The following GNA14 variants were observed in gnomAD, a reference collection of about 807,000 sequenced individuals.
GNA14 encodes guanine nucleotide-binding protein subunit alpha-14.
In GNA14, 50 loss-of-function variants were observed where a neutral mutation model predicts 42.0. The ratio of observed to expected loss-of-function variants is 1.19; its 90% CI spans 0.95 to 1.51. GNA14 has a LOEUF of 1.51. GNA14 is among the 40% of genes most tolerant of loss of function. The pLI, the probability that GNA14 is intolerant of heterozygous loss-of-function variation, is 0.00. For synonymous variants in GNA14, 173 were observed against 163.1 expected (o/e 1.06, Z -0.46); for missense variants, 473 against 446.2 (o/e 1.06, Z -0.54).
chr9:77,439,268 A>G (rs1835687654), intron 2 of GNA14, among the ~76,000 whole-genome samples: 1 of 152,190 alleles, frequency 6.6e-6, no homozygotes, highest in Non-Finnish European at 1.5e-5. Flanking sequence ...ACCTTTATTT[A>G]AATACAGTTT....
chr9:77,639,861 G>C (rs1429806629), intron 1 of GNA14, among the ~76,000 whole-genome samples: 1 of 152,226 alleles, frequency 6.6e-6, no homozygotes, highest in Non-Finnish European at 1.5e-5. Flanking sequence ...CATCAGCAGA[G>C]AGCCAATCTT....
chr9:77,515,393 G>T (rs778839927), intron 2 of GNA14, among the ~76,000 whole-genome samples: 27 of 152,216 alleles, frequency 1.8e-4, no homozygotes, highest in Non-Finnish European at 2.4e-4. Flanking sequence ...CCAAAAGAAA[G>T]GAGGTCACTG....
Position 77,512,256 on chromosome 9 carries a change from T to C in GNA14, c.309+16813A>G, listed in dbSNP as rs535580710. On this transcript the variant is annotated intron_variant, in intron 2 of 6. Transcript: ENST00000341700. ...ACTCCACACCCCCAGGATAACTTCATGTGGATTTGAAGTCAGTGTTAAAGG... is the reference window on the plus strand; with the variant it reads ...ACTCCACACCCCCAGGATAACTTCACGTGGATTTGAAGTCAGTGTTAAAGG... Among the ~76,000 whole-genome samples, 21 of 152,352 alleles carry C rather than the reference T, an allele frequency of 1.4e-4. No homozygotes were observed. The East Asian group carries it at 3.7e-3, about 27-fold the overall frequency.
At chr9:77,507,727 G>A (rs1837094314) in intron 2 of GNA14, among the ~76,000 whole-genome samples, 1 of 151,656 alleles carries the variant, frequency 6.6e-6, no homozygotes, top group African/African-American at 2.4e-5. Context: ...TCAAGATGTA[G>A]TCTTGCTCTG....
At chr9:77,615,959 C>T (rs1823808048) in intron 1 of GNA14, among the ~76,000 whole-genome samples, 1 of 151,572 alleles carries the variant, frequency 6.6e-6, no homozygotes, top group Non-Finnish European at 1.5e-5. Context: ...GCATTATGGT[C>T]ACTGAAATAC....
In GNA14 at chr9:77,423,957, G is replaced by C. The variant is rs756197361; in HGVS notation, c.*22C>G. On this transcript the variant is annotated 3_prime_UTR_variant, in exon 7 of 7. Transcript: ENST00000341700. ...TTTGCAAATCACATCTTCTGTTATA[G>C]GGGAGGAGTGGGCAGCAGCTTTTAG... 1 of 1,538,106 alleles carries C rather than the reference G, an allele frequency of 6.5e-7. No individual in the cohort carries two copies. Among genetic ancestry groups the C allele is most frequent in the South Asian group, 1.2e-5 (1 of 80,450 alleles).
chr9:77,549,906 T>C (rs182493999), intron 1 of GNA14, among the ~76,000 whole-genome samples: 5 of 152,256 alleles, frequency 3.3e-5, no homozygotes, highest in African/African-American at 9.6e-5. Context: ...TCCACCCAAA[T>C]GATCCCAAAC....
intron 2 of GNA14, among the ~76,000 whole-genome samples, chr9:77,513,595 C>A (rs905775539): frequency 6.6e-6 from 1 of 152,220 alleles, no homozygotes; most frequent in African/African-American, 2.4e-5. Flanking sequence ...AGGGGACACA[C>A]TCAATAATTC....
At chr9:77,556,378 G>C (rs900138308) in intron 1 of GNA14, among the ~76,000 whole-genome samples, 1 of 152,108 alleles carries the variant, frequency 6.6e-6, no homozygotes, top group East Asian at 1.9e-4. Flanking sequence ...AGATCATGAG[G>C]GAAAAAGAGG....
rs1564009539 is a variant in GNA14, at chr9:77,424,092, CT to C, written c.954del (p.Val319SerfsTer29). ...LYQDQNPDKE[K>X]VIYSHFTCAT... ...GCACATGTGAAGTGAGAGTAGATGA[CT>C]TTCTCTTTGTCAGGATTCTGATCTT... On this transcript the variant is annotated frameshift_variant, in exon 7 of 7. Coordinates refer to ENST00000341700, the MANE Select transcript of GNA14 (RefSeq NM_004297.4). LOFTEE classifies it high-confidence loss of function. 6.2e-7 allele frequency: 1 copy of C among 1,612,534 alleles called. No individual in the cohort carries two copies. Among genetic ancestry groups the C allele is most frequent in the South Asian group, 1.1e-5 (1 of 90,838 alleles).
At position 77,431,455 on chromosome 9, in the gene GNA14, T is replaced by C. The variant is rs543951531; in HGVS notation, c.465-6A>G. 33 of 1,599,768 alleles carry C rather than the reference T, an allele frequency of 2.1e-5. No individual in the cohort carries two copies. Among genetic ancestry groups the C allele is most frequent in the South Asian group, 1.9e-4 (17 of 89,520 alleles). ...GGTCAATGTCAGTCAGGTAACTGTA[T>C]ATTAGAGAACGAGGAACTGACTCTC... On this transcript the variant is annotated splice_polypyrimidine_tract_variant and splice_region_variant and intron_variant, in intron 3 of 6. Transcript: ENST00000341700.
intron 1 of GNA14, among the ~76,000 whole-genome samples, chr9:77,559,471 G>A (rs113174608): frequency 0.015 from 2,291 of 152,310 alleles, 59 homozygotes; most frequent in African/African-American, 0.051. Context: ...TCTACACCCT[G>A]ACACTTTGAT....
At chr9:77,611,997 G>A (rs1823742471) in intron 1 of GNA14, among the ~76,000 whole-genome samples, 1 of 151,758 alleles carries the variant, frequency 6.6e-6, no homozygotes, top group South Asian at 2.1e-4. Context: ...TAACATCAAA[G>A]AAACTAGACA....
intron 2 of GNA14, among the ~76,000 whole-genome samples, chr9:77,437,328 TGAGGCCAG>T (rs1219611062): frequency 1.3e-5 from 2 of 152,188 alleles, no homozygotes; most frequent in Non-Finnish European, 2.9e-5. Context: ...GCGGATCAAC[TGAGGCCAG>T]GAGTTTAAGA....
intron 1 of GNA14, among the ~76,000 whole-genome samples, chr9:77,638,062 T>A (rs1305857525): frequency 6.6e-6 from 1 of 152,202 alleles, no homozygotes; most frequent in Non-Finnish European, 1.5e-5. Flanking sequence ...ATCTGTAACA[T>A]GGGTATATCA....
intron 1 of GNA14, among the ~76,000 whole-genome samples, chr9:77,628,628 G>A (rs1333845393): frequency 1.3e-5 from 2 of 152,100 alleles, no homozygotes; most frequent in Non-Finnish European, 2.9e-5. Flanking sequence ...ACAAAAACAA[G>A]CAATGGGGAA....
chr9:77,561,552 T>G (rs1357881810), intron 1 of GNA14, among the ~76,000 whole-genome samples: 1 of 152,164 alleles, frequency 6.6e-6, no homozygotes, highest in Non-Finnish European at 1.5e-5. Context: ...TCACAGATGC[T>G]ACAGTATGGA....
chr9:77,454,707 G>A (rs1252502100), intron 2 of GNA14, among the ~76,000 whole-genome samples: 2 of 150,622 alleles, frequency 1.3e-5, no homozygotes, highest in Non-Finnish European at 2.9e-5. Context: ...ACTCTCTTCT[G>A]CAAATGTGAG....
intron 2 of GNA14, among the ~76,000 whole-genome samples, chr9:77,504,667 T>TC (rs1191493809): frequency 7.2e-6 from 1 of 139,568 alleles, no homozygotes; most frequent in Non-Finnish European, 1.5e-5. Flanking sequence ...CGACTTTTTT[T>TC]TTTTTTTTTT....
Sources: gnomAD v4.1 joint callset for allele counts (sites outside exome capture counted in the v4.1 genomes callset) on GRCh38, gnomAD v4.1.1 for gene constraint, MANE v1.5 for transcripts, NCBI Gene and HGNC (gene_info 2026-07-23, HGNC 2026-07-21) for gene names.